SLC14A2: variants seen among roughly 807,000 people sequenced by gnomAD.
SLC14A2 encodes urea transporter 2.
SLC14A2 carries 91 observed loss-of-function variants against 104.6 expected under a neutral mutation model. The observed-to-expected ratio is 0.87, with a 90% CI of 0.73 to 1.04. SLC14A2 has a LOEUF of 1.04. Among genes scored for constraint, SLC14A2 ranks in the 50% least tolerant of loss-of-function variants. The probability of loss-of-function intolerance (pLI) is 0.00; values close to 1 mark genes in which losing one functional copy is unlikely to be tolerated. For synonymous variants in SLC14A2, 476 were observed against 466.4 expected (o/e 1.02, Z -0.27); for missense variants, 1,189 against 1,156.0 (o/e 1.03, Z -0.41).
intron 1 of SLC14A2, among the ~76,000 whole-genome samples, chr18:45,237,770 C>T (rs1371996902): frequency 6.6e-6 from 1 of 152,206 alleles, no homozygotes; most frequent in Non-Finnish European, 1.5e-5. Context: ...CAGAGCCTTC[C>T]TGAGAGGCTG....
At chr18:45,608,654 T>A (rs187572117) in intron 2 of SLC14A2, among the ~76,000 whole-genome samples, 1 of 152,232 alleles carries the variant, frequency 6.6e-6, no homozygotes, top group African/African-American at 2.4e-5. Flanking sequence ...TATAACCAAC[T>A]TATCTGTCCC....
intron 1 of SLC14A2, among the ~76,000 whole-genome samples, chr18:45,470,705 T>C (rs552801862): frequency 2.0e-5 from 3 of 152,288 alleles, no homozygotes; most frequent in Non-Finnish European, 4.4e-5. Flanking sequence ...GACATGTGTA[T>C]AGTTCCTCTT....
chr18:45,279,546 T>C (rs2084739970), intron 1 of SLC14A2, among the ~76,000 whole-genome samples: 1 of 151,926 alleles, frequency 6.6e-6, no homozygotes, highest in South Asian at 2.1e-4. Flanking sequence ...TGTTGGGGGG[T>C]GGGGACACAG....
intron 1 of SLC14A2, among the ~76,000 whole-genome samples, chr18:45,426,696 C>T (rs2086436217): frequency 2.5e-5 from 2 of 81,042 alleles, no homozygotes; most frequent in South Asian, 1.0e-3. Flanking sequence ...TATATACATA[C>T]ATACACACAC....
At chr18:45,667,301 G>C (rs530465555) in intron 13 of SLC14A2, among the ~76,000 whole-genome samples, 1 of 152,328 alleles carries the variant, frequency 6.6e-6, no homozygotes, top group Non-Finnish European at 1.5e-5. Context: ...ACATGCAAGA[G>C]TGTGAGCTCA....
At chr18:45,185,594 A>T in the SLC14A2 span, among the ~76,000 whole-genome samples, 2 of 152,212 alleles carry the variant, frequency 1.3e-5, no homozygotes, top group Non-Finnish European at 2.9e-5. Context: ...GAAGACAAGG[A>T]TGTCTACCCT....
At chr18:45,241,403 A>G (rs1207032499) in intron 1 of SLC14A2, among the ~76,000 whole-genome samples, 2 of 152,202 alleles carry the variant, frequency 1.3e-5, no homozygotes, top group African/African-American at 4.8e-5. Flanking sequence ...GGCCTGAATC[A>G]GGTGGAGTCA....
chr18:45,246,370 G>A (rs965926056), intron 1 of SLC14A2, among the ~76,000 whole-genome samples: 1 of 152,128 alleles, frequency 6.6e-6, no homozygotes, highest in Admixed American at 6.5e-5. Flanking sequence ...AGCCTGAGTA[G>A]ACTAATACAG....
intron 2 of SLC14A2, chr18:45,492,046 G>C (rs2852288): frequency 0.46 from 69,793 of 152,142 alleles, 16,092 homozygotes; most frequent in South Asian, 0.54. Flanking sequence ...CTACCTTTCT[G>C]TTCTGCCATT....
intron 7 of SLC14A2, 68 bp downstream of exon 7, chr18:45,639,961 C>T: frequency 7.1e-7 from 1 of 1,404,234 alleles, no homozygotes; most frequent in Non-Finnish European, 9.8e-7. Flanking sequence ...CCCCTACATA[C>T]AGCAAATCTT....
At chr18:45,306,086 GTCTTCCTTTCCGTCTACTCCCTTA>G (rs1233115255) in intron 1 of SLC14A2, among the ~76,000 whole-genome samples, 1 of 152,100 alleles carries the variant, frequency 6.6e-6, no homozygotes, top group Non-Finnish European at 1.5e-5. Flanking sequence ...GAACAGCCGC[GTCTTCCTTTCCGTCTACTCCCTTA>G]TCAGTAGAGT....
intron 1 of SLC14A2, among the ~76,000 whole-genome samples, chr18:45,296,774 G>C (rs2084921516): frequency 6.7e-6 from 1 of 149,364 alleles, no homozygotes; most frequent in African/African-American, 2.5e-5. Context: ...CCAGTTTAGG[G>C]AGAAAAGTGT....
intron 2 of SLC14A2, chr18:45,489,775 G>A (rs910258421): frequency 6.6e-6 from 1 of 152,142 alleles, no homozygotes; most frequent in Admixed American, 6.5e-5. Context: ...ACAAAGTGTA[G>A]AAAAAACTGG....
At chr18:45,260,735 G>A (rs943144352) in intron 1 of SLC14A2, among the ~76,000 whole-genome samples, 13 of 152,124 alleles carry the variant, frequency 8.5e-5, no homozygotes, top group African/African-American at 3.1e-4. Context: ...TATTTTTACT[G>A]GCATTTGTTG....
upstream of SLC14A2, among the ~76,000 whole-genome samples, chr18:45,614,500 C>A (rs896709446): frequency 6.6e-6 from 1 of 152,210 alleles, no homozygotes; most frequent in African/African-American, 2.4e-5. Context: ...GAGCCACAGA[C>A]ACTCAACACC....
At chr18:45,637,290 T>A in intron 6 of SLC14A2, 108 bp downstream of exon 6, 1 of 831,980 alleles carries the variant, frequency 1.2e-6, no homozygotes. Flanking sequence ...GAAACATCTA[T>A]ACCAGATGAT....
chr18:45,451,704 C>A (rs1193172915), intron 1 of SLC14A2, among the ~76,000 whole-genome samples: 1 of 152,158 alleles, frequency 6.6e-6, no homozygotes, highest in Non-Finnish European at 1.5e-5. Context: ...CTCCAATAAA[C>A]CATTTTTCTT....
intron 2 of SLC14A2, among the ~76,000 whole-genome samples, chr18:45,545,102 C>T (rs977232824): frequency 1.3e-5 from 2 of 152,170 alleles, no homozygotes; most frequent in East Asian, 3.9e-4. Context: ...CCAATAATGT[C>T]ATTTTAATGG....
chr18:45,322,447 G>A (rs1026502117), intron 1 of SLC14A2, among the ~76,000 whole-genome samples: 6 of 152,154 alleles, frequency 3.9e-5, no homozygotes, highest in Admixed American at 1.3e-4. Context: ...CATCAACTCC[G>A]TGTATAAGAA....
Sources: gnomAD v4.1 joint callset for allele counts (sites outside exome capture counted in the v4.1 genomes callset) on GRCh38, gnomAD v4.1.1 for gene constraint, MANE v1.5 for transcripts, NCBI Gene and HGNC (gene_info 2026-07-23, HGNC 2026-07-21) for gene names.